The following IL10RB variants were observed in gnomAD, a reference collection of about 807,000 sequenced individuals.
IL10RB encodes interleukin-10 receptor subunit beta.
Under a neutral mutation model 38.7 loss-of-function variants are expected in IL10RB, and 30 were observed. The observed-to-expected ratio is 0.78, with a 90% CI of 0.58 to 1.05. IL10RB has a LOEUF of 1.05. IL10RB is among the 50% of genes least tolerant of loss of function. IL10RB has a pLI of 0.00. For synonymous variants in IL10RB, 142 were observed against 145.9 expected (o/e 0.97, Z 0.19); for missense variants, 328 against 397.1 (o/e 0.83, Z 1.48).
At chr21:33,305,392 G>A (rs1322857160) in intron 1 of IL10RB, among the ~76,000 whole-genome samples, 2 of 152,074 alleles carry the variant, frequency 1.3e-5, no homozygotes, top group African/African-American at 4.8e-5. Context: ...TTACAGGCAT[G>A]AGCCCCATGC....
chr21:33,291,713 AG>A (rs1175279252), intron 6 of IL10RB, among the ~76,000 whole-genome samples: 9 of 152,244 alleles, frequency 5.9e-5, no homozygotes. Flanking sequence ...AGCTCCAGCC[AG>A]GATGCACCAC....
chr21:33,284,324 A>G (rs1385071876), intron 5 of IL10RB, among the ~76,000 whole-genome samples: 1 of 151,500 alleles, frequency 6.6e-6, no homozygotes. Context: ...AAAAGAAAAC[A>G]TTTCAAATAG....
intron 2 of IL10RB, among the ~76,000 whole-genome samples, chr21:33,273,336 G>T (rs1160681107): frequency 1.3e-5 from 2 of 152,080 alleles, no homozygotes; most frequent in African/African-American, 4.8e-5. Flanking sequence ...TTGTTTCCCG[G>T]TGCATCTAAA....
rs531437495 is a variant in IL10RB at position 33,266,593 on chromosome 21, C to T, written c.49+79C>T. ...TGCCGCCCCTGATCCCATCCCTGGG[C>T]GCCCTGCAAGTGACTTAAGAGCCTT... On this transcript the variant is annotated intron_variant, in intron 1 of 6. Coordinates refer to ENST00000290200, the MANE Select transcript of IL10RB (RefSeq NM_000628.5). 1.9e-5 allele frequency: 27 copies of T among 1,436,606 alleles called. No homozygotes were observed. In the South Asian group the frequency reaches 2.6e-4, roughly 14 times the overall value. 89.0% of individuals were successfully genotyped at this position (1,436,606 alleles called of 1,614,324 possible).
chr21:33,301,409 T>C (rs749893217), downstream of IL10RB, among the ~76,000 whole-genome samples: 25 of 152,182 alleles, frequency 1.6e-4, no homozygotes, highest in Non-Finnish European at 3.4e-4. Context: ...CGAGGTCAAA[T>C]TTATTGCTGT....
Position 33,296,191 on chromosome 21 carries a change from G to A in IL10RB, c.812G>A (p.Gly271Asp). The change falls in exon 7 of 7, where the codon GGC (glycine) becomes GAC (aspartate). Residue 271 changes from glycine (G) to aspartate (D), a missense_variant. Physicochemically the swap from Gly to Asp is moderately conservative, Grantham distance 94 (BLOSUM62 -1). Transcript: ENST00000290200. The stretch of plus-strand genomic sequence containing the variant: ...TCCTCTTTCCCTCCACAGTTTTTGG[G>A]CCATCCTCATCATAACACACTTCTG... ...SLPQHLKEFL[G>D]HPHHNTLLFF... 6.2e-7 allele frequency: 1 copy of A among 1,613,640 alleles called. No homozygotes were observed. Among genetic ancestry groups the A allele is most frequent in the Non-Finnish European group, 8.5e-7 (1 of 1,179,562 alleles).
chr21:33,305,986 C>G (rs2082998090), intron 1 of IL10RB, among the ~76,000 whole-genome samples: 1 of 152,100 alleles, frequency 6.6e-6, no homozygotes, highest in Non-Finnish European at 1.5e-5. Flanking sequence ...CACCCAAGAC[C>G]ACACCCAGCT....
Position 33,276,554 on chromosome 21 carries a change from A to C in IL10RB, c.174-42A>C, listed in dbSNP as rs766138739. 2.5e-6 allele frequency: 4 copies of C among 1,574,394 alleles called. No homozygotes were observed. The Admixed American group carries it at 6.7e-5, about 26-fold the overall frequency. ...TACCAGTCAGCCTCAGGGAGACTGA[A>C]GCCAGAACTCTCCTGATTGACCTAT... On this transcript the variant is annotated intron_variant, in intron 2 of 6. Coordinates refer to ENST00000290200, the MANE Select transcript of IL10RB (RefSeq NM_000628.5).
intron 2 of IL10RB, among the ~76,000 whole-genome samples, chr21:33,272,230 GAA>G (rs1989095151): frequency 6.6e-6 from 1 of 152,164 alleles, no homozygotes; most frequent in Non-Finnish European, 1.5e-5. Flanking sequence ...CTTAGACTAT[GAA>G]GTCAAACAGA....
Position 33,297,091 on chromosome 21 carries a change from G to A in IL10RB, c.*734G>A, listed in dbSNP as rs2082970829. On this transcript the variant is annotated 3_prime_UTR_variant, in exon 7 of 7. Transcript: ENST00000290200. ...TCTGAAAATCGACCTCAACTCAAGG[G>A]TGGTCAGCTCAATGCTACACAGAGC... The A allele has an allele frequency of 6.1e-6, 1 of 163,710 alleles. No homozygotes were observed. The highest frequency in any genetic ancestry group is 1.3e-5 in the Non-Finnish European group (1 of 74,732). 10.1% of individuals were successfully genotyped at this position (163,710 alleles called of 1,614,324 possible). A position where few individuals can be genotyped will look rare whatever the true frequency, so the allele number is the denominator to read the frequency against.
intron 3 of IL10RB, among the ~76,000 whole-genome samples, chr21:33,279,488 G>A (rs8178488): frequency 0.11 from 16,995 of 152,134 alleles, 3,172 homozygotes; most frequent in African/African-American, 0.39. Context: ...ACAAAATAGC[G>A]TAGCTGGAAT....
chr21:33,292,788 T>C (rs1215478543), intron 6 of IL10RB, among the ~76,000 whole-genome samples: 2 of 152,172 alleles, frequency 1.3e-5, no homozygotes, highest in Non-Finnish European at 2.9e-5. Flanking sequence ...TTCAAGGATA[T>C]GCGAAGTCAC....
chr21:33,272,862 A>G (rs1337260816), intron 2 of IL10RB, among the ~76,000 whole-genome samples: 1 of 152,230 alleles, frequency 6.6e-6, no homozygotes, highest in African/African-American at 2.4e-5. Context: ...CTAGCATCCA[A>G]CAGGCATGTC....
At position 33,266,528 on chromosome 21, in the gene IL10RB, G is replaced by C; in HGVS notation, c.49+14G>C. ...TGCTGGTGTCAGGTGAGGGGTCCGC[G>C]GGGAGGGGGCGCGCTTGGGAACCGG... On this transcript the variant is annotated intron_variant, in intron 1 of 6. Coordinates refer to ENST00000290200, the MANE Select transcript of IL10RB (RefSeq NM_000628.5). 6.5e-7 allele frequency: 1 copy of C among 1,541,406 alleles called. No homozygotes were observed. Among genetic ancestry groups the C allele is most frequent in the Non-Finnish European group, 8.7e-7 (1 of 1,146,948 alleles).
chr21:33,272,675 G>T (rs539389747), intron 2 of IL10RB, among the ~76,000 whole-genome samples: 1 of 152,232 alleles, frequency 6.6e-6, no homozygotes, highest in East Asian at 1.9e-4. Flanking sequence ...TCAAACTCCT[G>T]GGCTCAAGTG....
chr21:33,291,411 G>T (rs1234773718), intron 6 of IL10RB, among the ~76,000 whole-genome samples: 2 of 152,010 alleles, frequency 1.3e-5, no homozygotes, highest in Non-Finnish European at 2.9e-5. Context: ...GATTACAGGT[G>T]CCCTCCACCA....
At chr21:33,270,523 GGC>G (rs1435501420) in intron 2 of IL10RB, among the ~76,000 whole-genome samples, 3 of 149,706 alleles carry the variant, frequency 2.0e-5, no homozygotes, top group Non-Finnish European at 4.5e-5. Context: ...TGGGACTACA[GGC>G]GCCCGCCACC....
At chr21:33,295,899 G>C (rs550950975) in intron 6 of IL10RB, among the ~76,000 whole-genome samples, 6 of 151,970 alleles carry the variant, frequency 3.9e-5, no homozygotes, top group Non-Finnish European at 7.4e-5. Context: ...ACAAAAATTA[G>C]CTGGCGTGGT....
chr21:33,296,423 A>C lies in IL10RB; in HGVS notation c.*66A>C, dbSNP rs758406164. ...ACTCCATCTCACATCTGCCTCAGTGAGGGATCAGGGCAGCAAACAAGGGCC... is the reference window on the plus strand; with the variant it reads ...ACTCCATCTCACATCTGCCTCAGTGCGGGATCAGGGCAGCAAACAAGGGCC... On this transcript the variant is annotated 3_prime_UTR_variant, in exon 7 of 7. Transcript: ENST00000290200. The C allele has an allele frequency of 6.6e-7, 1 of 1,513,130 alleles. No homozygotes were observed. The highest frequency in any genetic ancestry group is 9.1e-7 in the Non-Finnish European group (1 of 1,101,228). The allele number at this position is 1,513,130 out of a possible 1,614,324, so 93.7% of individuals were successfully genotyped here.
Sources: gnomAD v4.1 joint callset for allele counts (sites outside exome capture counted in the v4.1 genomes callset) on GRCh38, gnomAD v4.1.1 for gene constraint, MANE v1.5 for transcripts, NCBI Gene and HGNC (gene_info 2026-07-23, HGNC 2026-07-21) for gene names.